Variants in MRAP2 observed in about 807,000 individuals in gnomAD.
MRAP2 encodes melanocortin 2 receptor accessory protein 2.
A neutral mutation model predicts 17.4 loss-of-function variants in MRAP2; 20 were observed. The ratio of observed to expected loss-of-function variants is 1.15; its 90% CI spans 0.81 to 1.67. The LOEUF (loss-of-function observed/expected upper bound fraction) is 1.67, where lower values mean the gene tolerates loss of function less well. MRAP2 is among the 40% of genes most tolerant of loss of function. The pLI, the probability that MRAP2 is intolerant of heterozygous loss-of-function variation, is 0.00. For synonymous variants in MRAP2, 96 were observed against 88.4 expected (o/e 1.09, Z -0.48); for missense variants, 238 against 240.0 (o/e 0.99, Z 0.05).
At chr6:84,138,679 A>G in the MRAP2 span, among the ~76,000 whole-genome samples, 1 of 151,680 alleles carries the variant, frequency 6.6e-6, no homozygotes, top group Admixed American at 6.6e-5. Flanking sequence ...AGATATTCTT[A>G]AAGTAAGAAC....
the MRAP2 span, among the ~76,000 whole-genome samples, chr6:84,134,550 C>T: frequency 6.6e-6 from 1 of 152,242 alleles, no homozygotes; most frequent in Admixed American, 6.5e-5. Flanking sequence ...GGCTGGAGTG[C>T]ACCGTTCCTC....
chr6:84,064,670 G>T (rs375917081), intron 3 of MRAP2, among the ~76,000 whole-genome samples: 7 of 152,092 alleles, frequency 4.6e-5, no homozygotes, highest in Admixed American at 4.6e-4. Context: ...TGTATTTTTA[G>T]TAGAGACAGG....
the MRAP2 span, among the ~76,000 whole-genome samples, chr6:84,113,954 T>G: frequency 3.3e-5 from 5 of 152,240 alleles, no homozygotes; most frequent in East Asian, 9.6e-4. Flanking sequence ...GATCTGTTAG[T>G]CTGATGGGTT....
At chr6:84,088,726 G>A (rs1357802029) in intron 3 of MRAP2, among the ~76,000 whole-genome samples, 1 of 152,134 alleles carries the variant, frequency 6.6e-6, no homozygotes, top group African/African-American at 2.4e-5. Flanking sequence ...CACAGATTCT[G>A]AGGGTCTGTG....
the MRAP2 span, among the ~76,000 whole-genome samples, chr6:84,122,352 C>CAAAAAAAAAAA: frequency 1.1e-4 from 4 of 36,148 alleles, no homozygotes; most frequent in Admixed American, 6.5e-4. Context: ...ACAGCACATC[C>CAAAAAAAAAAA]AAAAAAAAAA....
the MRAP2 span, among the ~76,000 whole-genome samples, chr6:84,128,537 G>T: frequency 1.3e-5 from 2 of 152,062 alleles, no homozygotes; most frequent in Non-Finnish European, 2.9e-5. Flanking sequence ...CTATATGGTG[G>T]TCGGTAAGCC....
intron 3 of MRAP2, among the ~76,000 whole-genome samples, chr6:84,088,234 ATCC>A (rs1242477307): frequency 6.6e-6 from 1 of 152,194 alleles, no homozygotes; most frequent in African/African-American, 2.4e-5. Flanking sequence ...TGCATGGGCA[ATCC>A]TTCTTTAAGT....
intron 2 of MRAP2, 71 bp from the exon 3 acceptor site, chr6:84,062,822 A>T: frequency 6.2e-7 from 1 of 1,602,966 alleles, no homozygotes; most frequent in Non-Finnish European, 8.5e-7. Flanking sequence ...CTCTCCAAAA[A>T]GCTCTGATTC....
At chr6:84,107,579 T>C in the MRAP2 span, among the ~76,000 whole-genome samples, 3 of 152,292 alleles carry the variant, frequency 2.0e-5, no homozygotes, top group Admixed American at 6.5e-5. Context: ...GTGAACCAAA[T>C]TGTGATACAG....
At chr6:84,057,238 G>A (rs756377356) in intron 2 of MRAP2, among the ~76,000 whole-genome samples, 4 of 152,206 alleles carry the variant, frequency 2.6e-5, no homozygotes, top group Admixed American at 6.5e-5. Flanking sequence ...AAAATGCTGT[G>A]ACTCTGACCT....
At chr6:84,111,512 A>G in the MRAP2 span, among the ~76,000 whole-genome samples, 3 of 152,302 alleles carry the variant, frequency 2.0e-5, no homozygotes, top group South Asian at 2.1e-4. Flanking sequence ...AGCTGAGACA[A>G]TGGGGTTTTC....
chr6:84,066,069 C>G (rs2099494618), intron 3 of MRAP2, among the ~76,000 whole-genome samples: 1 of 151,532 alleles, frequency 6.6e-6, no homozygotes, highest in Admixed American at 6.6e-5. Context: ...TCTGGAGATC[C>G]CTGACTAATC....
upstream of MRAP2, chr6:84,033,732 C>A: frequency 1.0e-6 from 1 of 985,272 alleles, no homozygotes; most frequent in Non-Finnish European, 1.2e-6. Flanking sequence ...CGCTGCGGGT[C>A]GGGAGCGCGC....
downstream of MRAP2, among the ~76,000 whole-genome samples, chr6:84,091,735 G>A (rs1588666973): frequency 1.3e-5 from 2 of 152,146 alleles, no homozygotes; most frequent in Non-Finnish European, 2.9e-5. Context: ...GTTAAGAACT[G>A]TGAATGGTCC....
intron 3 of MRAP2, among the ~76,000 whole-genome samples, chr6:84,064,490 T>TTG (rs1259165851): frequency 2.5e-4 from 38 of 151,458 alleles, no homozygotes; most frequent in African/African-American, 8.5e-4. Context: ...TTGTTTTGTT[T>TTG]TTTTGTTTGT....
the MRAP2 span, chr6:84,124,211 A>C: frequency 6.6e-6 from 1 of 152,116 alleles, no homozygotes; most frequent in East Asian, 1.9e-4. Flanking sequence ...CATTACTGGG[A>C]ATCTACCCAA....
At chr6:84,103,706 C>G in the MRAP2 span, among the ~76,000 whole-genome samples, 1 of 152,116 alleles carries the variant, frequency 6.6e-6, no homozygotes, top group Non-Finnish European at 1.5e-5. Context: ...TTTCATAGAC[C>G]TTGTGTAGCT....
intron 2 of MRAP2, among the ~76,000 whole-genome samples, chr6:84,060,390 T>C (rs1209092192): frequency 6.6e-6 from 1 of 152,176 alleles, no homozygotes; most frequent in East Asian, 1.9e-4. Flanking sequence ...CCTCCACCTC[T>C]GGGAGTCAGT....
the MRAP2 span, among the ~76,000 whole-genome samples, chr6:84,103,476 A>G: frequency 6.6e-6 from 1 of 152,340 alleles, no homozygotes; most frequent in East Asian, 1.9e-4. Context: ...GATAATGAGC[A>G]AAATAGGTAA....
Sources: allele counts gnomAD v4.1 joint callset (sites outside exome capture counted in the v4.1 genomes callset), GRCh38; gene constraint gnomAD v4.1.1; transcripts MANE v1.5; gene names NCBI Gene and HGNC (gene_info 2026-07-23, HGNC 2026-07-21).